The following KAT6B variants were observed in gnomAD, a reference collection of about 807,000 sequenced individuals.
KAT6B encodes the protein lysine acetyltransferase 6B, also known as histone acetyltransferase KAT6B.
A neutral mutation model predicts 187.5 loss-of-function variants in KAT6B; 10 were observed. The observed-to-expected ratio is 0.05, with a 90% CI of 0.03 to 0.09. The LOEUF is 0.09. KAT6B is among the 10% of genes least tolerant of loss of function. The pLI is 1.00. For missense variants in KAT6B, 1,952 were observed against 2,558.9 expected, an observed-to-expected ratio of 0.76 and a Z score of 5.12; for synonymous variants, 861 against 926.8, an observed-to-expected ratio of 0.93 and a Z score of 1.29.
intron 3 of KAT6B, among the ~76,000 whole-genome samples, chr10:74,857,022 G>T (rs914661914): frequency 6.6e-6 from 1 of 152,128 alleles, no homozygotes; most frequent in African/African-American, 2.4e-5. Context: ...TTTATCAGTT[G>T]GTTAAGGTGG....
At chr10:74,981,596 A>G (rs990797493) in intron 10 of KAT6B, among the ~76,000 whole-genome samples, 191 bp from the exon 11 acceptor site, 1 of 151,954 alleles carries the variant, frequency 6.6e-6, no homozygotes, top group Admixed American at 6.6e-5. Context: ...CTGGTCTCAA[A>G]CTCCTGATCT....
chr10:74,916,718 T>TA (rs1021431304), intron 3 of KAT6B, among the ~76,000 whole-genome samples: 78 of 152,298 alleles, frequency 5.1e-4, no homozygotes, highest in African/African-American at 1.8e-3. Context: ...CATTCTTGGT[T>TA]AAAAAAATTC....
In KAT6B at chr10:74,873,721, C is replaced by T. The variant is rs79224362; in HGVS notation, c.621+30243C>T. Among the ~76,000 whole-genome samples, 58 of 152,162 alleles carry T rather than the reference C, an allele frequency of 3.8e-4. No homozygotes were observed. The East Asian group carries it at 0.011, about 28-fold the overall frequency. ...GGGGAGAGAGAGGGAGGTAGATGTT[C>T]CCCACTTGGTGCACCCTGATGGTTG... is the stretch of plus-strand genomic sequence containing the variant. On this transcript the variant is annotated intron_variant, in intron 3 of 17. Coordinates refer to ENST00000287239, the MANE Select transcript of KAT6B (RefSeq NM_012330.4).
intron 1 of KAT6B, among the ~76,000 whole-genome samples, chr10:74,830,309 A>G (rs1840654669): frequency 6.6e-6 from 1 of 152,086 alleles, no homozygotes; most frequent in African/African-American, 2.4e-5. Flanking sequence ...AGTTGTTTCA[A>G]GTTTGGGGCA....
chr10:74,941,036 T>G (rs777635249), intron 3 of KAT6B, among the ~76,000 whole-genome samples: 9 of 152,214 alleles, frequency 5.9e-5, no homozygotes, highest in Non-Finnish European at 1.2e-4. Context: ...CATGTGCATT[T>G]TTTTTAGAAG....
At chr10:74,977,528 C>G in intron 9 of KAT6B, 91 bp downstream of exon 9, 1 of 1,443,832 alleles carries the variant, frequency 6.9e-7, no homozygotes, top group African/African-American at 1.4e-5. Context: ...TATAGAGAAT[C>G]CCTTTCAACA....
chr10:75,028,917 G>C lies in KAT6B; in HGVS notation c.4093G>C (p.Glu1365Gln). 1 of 1,611,972 alleles carries C rather than the reference G, an allele frequency of 6.2e-7. No homozygotes were observed. Among genetic ancestry groups the C allele is most frequent in the Non-Finnish European group, 8.5e-7 (1 of 1,178,738 alleles). The change falls in exon 18 of 18, where the codon GAA becomes CAA. Residue 1365 changes from glutamate (E) to glutamine (Q), a missense_variant. Glu to Gln is a conservative substitution (Grantham distance 29). This residue lies in a region of KAT6B where 758 missense variants were observed against 891.4 expected (regional missense o/e 0.85). Coordinates refer to ENST00000287239, the MANE Select transcript of KAT6B (RefSeq NM_012330.4). ...GGAGGAGGAGGAAGAGGAAGAAGAG[G>C]AAGAAGAGGAAGGGGAAGAAGAAGA... ...EEEEEEEEEE[E>Q]EEEGEEEEGG...
At chr10:75,009,931 A>G (rs1844480409) in intron 13 of KAT6B, among the ~76,000 whole-genome samples, 1 of 152,116 alleles carries the variant, frequency 6.6e-6, no homozygotes, top group Non-Finnish European at 1.5e-5. Context: ...AACCCGGGAG[A>G]TGGTGGTTGC....
intron 3 of KAT6B, among the ~76,000 whole-genome samples, chr10:74,881,383 T>A (rs781024076): frequency 3.3e-5 from 5 of 152,134 alleles, no homozygotes; most frequent in Admixed American, 1.3e-4. Context: ...TTCACTGAGG[T>A]AATCTGTATA....
chr10:75,022,452 C>A (rs1845503772), intron 16 of KAT6B, among the ~76,000 whole-genome samples: 1 of 152,134 alleles, frequency 6.6e-6, no homozygotes, highest in Admixed American at 6.5e-5. Flanking sequence ...AGGGACAGGC[C>A]AGCCTCCTAG....
chr10:74,843,384 A>T lies in KAT6B; in HGVS notation c.527A>T (p.Tyr176Phe). The change falls in exon 3 of 18, where the codon TAT (tyrosine) becomes TTT (phenylalanine). Residue 176 changes from tyrosine to phenylalanine, a missense_variant. By Grantham distance (22) the Tyr-to-Phe change is conservative (BLOSUM62 3). Around this residue, in one of 9 missense-constraint regions of KAT6B, gnomAD observed 218 missense variants for 282.6 expected, o/e 0.77. Coordinates refer to ENST00000287239, the MANE Select transcript of KAT6B (RefSeq NM_012330.4). ...GACGGACCGCAGTACAGGGTCAATT[A>T]TGGGAGCTTAGATGGCAAAGGGGCA... ...LKDGPQYRVN[Y>F]GSLDGKGAPQ... The T allele has an allele frequency of 6.2e-7, 1 of 1,613,920 alleles. No individual in the cohort carries two copies.
chr10:74,933,985 A>G (rs936386196), intron 3 of KAT6B, among the ~76,000 whole-genome samples: 1 of 152,090 alleles, frequency 6.6e-6, no homozygotes, highest in African/African-American at 2.4e-5. Flanking sequence ...GAAGAGTTTG[A>G]GACCAGCCTG....
At chr10:74,926,783 A>G (rs887731673) in intron 3 of KAT6B, among the ~76,000 whole-genome samples, 15 of 152,202 alleles carry the variant, frequency 9.9e-5, no homozygotes, top group African/African-American at 2.7e-4. Flanking sequence ...GGTTTTGTTA[A>G]TGAGTGAATG....
Position 74,975,985 on chromosome 10 carries a change from A to G in KAT6B, c.1648A>G (p.Ile550Val), listed in dbSNP as rs543814514. ...GGCACTCTTTGATGGGCTTTCTCAT[A>G]TCTATACCACTCAGGGACAGTCTCG... ...LKALFDGLSH[I>V]YTTQGQSRKK... The change falls in exon 8 of 18, where the codon ATC becomes GTC. Residue 550 changes from isoleucine (I) to valine (V), a missense_variant. Coordinates refer to ENST00000287239, the MANE Select transcript of KAT6B (RefSeq NM_012330.4). 1.2e-6 allele frequency: 2 copies of G among 1,614,066 alleles called. No individual in the cohort carries two copies. The highest frequency in any genetic ancestry group is 1.1e-5 in the South Asian group (1 of 91,076).
At chr10:74,965,109 A>C (rs1241834500) in intron 4 of KAT6B, among the ~76,000 whole-genome samples, 1 of 152,208 alleles carries the variant, frequency 6.6e-6, no homozygotes, top group Non-Finnish European at 1.5e-5. Flanking sequence ...TATAGCCCCC[A>C]AAAACTTCTG....
chr10:74,826,052 G>A (rs1232516515), upstream of KAT6B, among the ~76,000 whole-genome samples: 1 of 150,724 alleles, frequency 6.6e-6, no homozygotes, highest in African/African-American at 2.4e-5. Flanking sequence ...GCCCGCGCGC[G>A]CCCGCCCGCG....
intron 3 of KAT6B, among the ~76,000 whole-genome samples, chr10:74,875,128 T>G (rs1438183090): frequency 6.6e-6 from 1 of 152,194 alleles, no homozygotes; most frequent in Non-Finnish European, 1.5e-5. Flanking sequence ...TTAGATAAAT[T>G]GGGGATAATA....
intron 3 of KAT6B, among the ~76,000 whole-genome samples, chr10:74,914,241 T>C (rs1847480233): frequency 6.6e-6 from 1 of 152,132 alleles, no homozygotes; most frequent in Admixed American, 6.5e-5. Flanking sequence ...TCCATAGCAT[T>C]TTGTTCACAC....
rs1052842928 is a variant in KAT6B at position 75,012,555 on chromosome 10, C to T, written c.2630-8027C>T. ...GCCCTCAGGCTGCTTCCATGTGGCA[C>T]GTGCTATCCTGGCACCTCCGGCTCA... On this transcript the variant is annotated intron_variant, in intron 13 of 17. Transcript: ENST00000287239. Among the ~76,000 whole-genome samples, 12 of 152,344 alleles carry T rather than the reference C, an allele frequency of 7.9e-5. No individual in the cohort carries two copies. In the South Asian group the frequency reaches 1.9e-3, roughly 24 times the overall value.
Sources: allele counts gnomAD v4.1 joint callset (sites outside exome capture counted in the v4.1 genomes callset), GRCh38; gene constraint gnomAD v4.1.1; regional missense constraint gnomAD v4.1.1; transcripts MANE v1.5; gene names NCBI Gene and HGNC (gene_info 2026-07-23, HGNC 2026-07-21).